ADCY2: variants seen among roughly 807,000 people sequenced by gnomAD.
ADCY2 encodes adenylate cyclase type 2.
In ADCY2, 31 loss-of-function variants were observed where a neutral mutation model predicts 125.2. That is an observed-to-expected ratio of 0.25 (90% CI 0.19 to 0.33). The LOEUF is 0.33. ADCY2 is among the 10% of genes least tolerant of loss of function. The pLI is 1.00. For synonymous variants in ADCY2, 512 were observed against 548.4 expected (o/e 0.93, Z 0.93); for missense variants, 904 against 1,418.2 (o/e 0.64, Z 5.82).
rs558741863 is a variant in ADCY2 at position 7,707,988 on chromosome 5, A to G, written c.1401+150A>G. On this transcript the variant is annotated intron_variant, in intron 9 of 24. Coordinates refer to ENST00000338316, the MANE Select transcript of ADCY2 (RefSeq NM_020546.3). ...ATGCATATGGTGGTTTAATTACAGA[A>G]GATGTTTTGTAATTATGAATTCAAA... The G allele has an allele frequency of 2.6e-5, 21 of 814,830 alleles. No individual in the cohort carries two copies. The Admixed American group carries it at 6.4e-4, about 25-fold the overall frequency. The allele number at this position is 814,830 out of a possible 1,614,324, so 50.5% of individuals were successfully genotyped here.
At chr5:7,399,177 C>T (rs1388917312) in intron 1 of ADCY2, among the ~76,000 whole-genome samples, 3 of 152,160 alleles carry the variant, frequency 2.0e-5, no homozygotes, top group Admixed American at 2.0e-4. Context: ...TGGACAGATT[C>T]CTTTTTTTCC....
At chr5:7,487,980 G>A (rs751298463) in intron 2 of ADCY2, among the ~76,000 whole-genome samples, 2 of 152,070 alleles carry the variant, frequency 1.3e-5, no homozygotes. Flanking sequence ...GCTTTTTAAT[G>A]TTTGGATTCC....
At chr5:7,629,042 T>C (rs1417588131) in intron 4 of ADCY2, among the ~76,000 whole-genome samples, 5 of 152,188 alleles carry the variant, frequency 3.3e-5, no homozygotes, top group Non-Finnish European at 7.3e-5. Flanking sequence ...ACAGTCACTG[T>C]GGCAAACAGT....
chr5:7,442,622 C>A (rs1224069254), intron 2 of ADCY2, among the ~76,000 whole-genome samples: 2 of 152,090 alleles, frequency 1.3e-5, no homozygotes, highest in Non-Finnish European at 2.9e-5. Flanking sequence ...CCTTTCATTT[C>A]TTGGTTTCAT....
intron 3 of ADCY2, among the ~76,000 whole-genome samples, chr5:7,531,119 G>A (rs547408203): frequency 4.6e-5 from 7 of 152,250 alleles, no homozygotes; most frequent in Non-Finnish European, 7.4e-5. Flanking sequence ...AAACCCTTGA[G>A]ACACAGTTCC....
At chr5:7,459,772 AT>A (rs3033085) in intron 2 of ADCY2, among the ~76,000 whole-genome samples, 756 of 72,782 alleles carry the variant, frequency 0.01, 1 homozygote, top group African/African-American at 0.022. Context: ...TTAAGAGGTA[AT>A]TTTTTTTTTT....
At chr5:7,423,857 G>A (rs1273739888) in intron 2 of ADCY2, among the ~76,000 whole-genome samples, 1 of 152,100 alleles carries the variant, frequency 6.6e-6, no homozygotes, top group Non-Finnish European at 1.5e-5. Context: ...AGGAGCATGG[G>A]CTCCGGTACT....
chr5:7,631,777 G>C (rs1187598526), intron 4 of ADCY2, among the ~76,000 whole-genome samples: 4 of 152,124 alleles, frequency 2.6e-5, no homozygotes, highest in South Asian at 2.1e-4. Context: ...TCCCTCCAGG[G>C]TCAGCTTTCT....
intron 3 of ADCY2, among the ~76,000 whole-genome samples, chr5:7,623,010 G>A (rs537401836): frequency 1.3e-5 from 2 of 152,314 alleles, no homozygotes; most frequent in South Asian, 4.1e-4. Context: ...GAGGAAATAA[G>A]TGGGGAGTGG....
intron 2 of ADCY2, among the ~76,000 whole-genome samples, chr5:7,470,009 T>G (rs77501408): frequency 0.048 from 7,303 of 151,912 alleles, 560 homozygotes; most frequent in African/African-American, 0.16. Context: ...TGTCATCAAT[T>G]ATATTATTAA....
chr5:7,449,668 A>AT (rs1225570720), intron 2 of ADCY2, among the ~76,000 whole-genome samples: 1 of 152,224 alleles, frequency 6.6e-6, no homozygotes, highest in Non-Finnish European at 1.5e-5. Flanking sequence ...AACCAACTCC[A>AT]TATACAGTAT....
intron 17 of ADCY2, among the ~76,000 whole-genome samples, chr5:7,770,001 C>T (rs1050526784): frequency 4.6e-5 from 7 of 152,184 alleles, no homozygotes; most frequent in Non-Finnish European, 8.8e-5. Flanking sequence ...CCAGGACAGG[C>T]TCCCAGCCTG....
At chr5:7,718,402 C>A (rs1741664093) in intron 12 of ADCY2, among the ~76,000 whole-genome samples, 1 of 152,088 alleles carries the variant, frequency 6.6e-6, no homozygotes, top group Non-Finnish European at 1.5e-5. Context: ...CCCGCCTCAG[C>A]CTCCCAAAGT....
intron 4 of ADCY2, chr5:7,653,928 A>G (rs1235900510): frequency 6.0e-6 from 2 of 333,060 alleles, no homozygotes; most frequent in Non-Finnish European, 1.2e-5. Flanking sequence ...GCAGATTAAG[A>G]GTTCAGTTCT....
chr5:7,778,896 GAACCT>G (rs1158571460), intron 18 of ADCY2, among the ~76,000 whole-genome samples: 1 of 152,176 alleles, frequency 6.6e-6, no homozygotes, highest in Non-Finnish European at 1.5e-5. Flanking sequence ...ATATTCCCAA[GAACCT>G]GAAATTGTTT....
At chr5:7,813,702 G>C (rs1409835107) in intron 22 of ADCY2, among the ~76,000 whole-genome samples, 4 of 152,180 alleles carry the variant, frequency 2.6e-5, no homozygotes, top group Non-Finnish European at 5.9e-5. Context: ...TACTGATGTT[G>C]AATTAAACTT....
intron 3 of ADCY2, among the ~76,000 whole-genome samples, chr5:7,573,593 CTTTTTTTT>C (rs763347773): frequency 3.5e-5 from 3 of 86,366 alleles, no homozygotes; most frequent in South Asian, 3.6e-4. Flanking sequence ...GGTTGATTTT[CTTTTTTTT>C]TTTTTTTTTT....
chr5:7,819,023 A>G (rs1044578513), intron 23 of ADCY2, among the ~76,000 whole-genome samples: 2 of 152,200 alleles, frequency 1.3e-5, no homozygotes, highest in Non-Finnish European at 2.9e-5. Context: ...CCGAGTCCCA[A>G]AGCTAAAGAA....
chr5:7,788,055 T>A (rs80149938), intron 19 of ADCY2, among the ~76,000 whole-genome samples: 4 of 142,002 alleles, frequency 2.8e-5, no homozygotes, highest in East Asian at 2.1e-4. Flanking sequence ...TTTTTTTTTT[T>A]AAATCCATTC....
Sources: gnomAD v4.1 joint callset for allele counts (sites outside exome capture counted in the v4.1 genomes callset) on GRCh38, gnomAD v4.1.1 for gene constraint, MANE v1.5 for transcripts, NCBI Gene and HGNC (gene_info 2026-07-23, HGNC 2026-07-21) for gene names.